Variants in POLR2F observed in about 807,000 individuals in gnomAD.
POLR2F encodes the protein DNA-directed RNA polymerases I, II, and III subunit RPABC2.
Under a neutral mutation model 22.7 loss-of-function variants are expected in POLR2F, and 12 were observed. That is an observed-to-expected ratio of 0.53 (90% CI 0.34 to 0.86). The LOEUF is 0.86. Among genes scored for constraint, POLR2F ranks in the 40% least tolerant of loss-of-function variants. The pLI, the probability that POLR2F is intolerant of heterozygous loss-of-function variation, is 0.02. For synonymous variants in POLR2F, 57 were observed against 66.0 expected (o/e 0.86, Z 0.66); for missense variants, 126 against 171.5 (o/e 0.73, Z 1.48).
chr22:38,020,479 A>G (rs1601911678), intron 1 of POLR2F, among the ~76,000 whole-genome samples: 1 of 137,744 alleles, frequency 7.3e-6, no homozygotes, highest in Non-Finnish European at 1.5e-5. Context: ...GCGTTTCACC[A>G]CATTGGCCAG....
chr22:37,956,809 T>C lies in POLR2F; in HGVS notation c.57T>C (p.Asp19=). ...ACGACTTTGATGATGTGGAGGAGGATGAAGGGCTAGATGACTTGGAGAATG... is the reference window on the plus strand; with the variant it reads ...ACGACTTTGATGATGTGGAGGAGGACGAAGGGCTAGATGACTTGGAGAATG... ...DGDDFDDVEE[D]EGLDDLENAE... is the part of the protein sequence containing the mutation. Residue 19 remains aspartate (D), a synonymous_variant, in exon 2 of 5, where the codon GAT becomes GAC. Transcript: ENST00000442738. The C allele has an allele frequency of 2.5e-6, 4 of 1,614,132 alleles. No individual in the cohort carries two copies. The highest frequency in any genetic ancestry group is 1.1e-5 in the South Asian group (1 of 91,092).
chr22:37,975,882 C>T (rs955388510), intron 4 of POLR2F, among the ~76,000 whole-genome samples: 1 of 152,040 alleles, frequency 6.6e-6, no homozygotes, highest in Non-Finnish European at 1.5e-5. Flanking sequence ...GCCATGCCAC[C>T]TCTGGATCTC....
In POLR2F at chr22:37,986,468, G is replaced by A; in HGVS notation, c.120+156G>A. ...CCCAGAGTTAGGAGGTGGAATGTGG[G>A]GTCCCACAGCTGCCCCCTCTCTAAC... On this transcript the variant is annotated intron_variant, in intron 1 of 2. Coordinates refer to the POLR2F transcript ENST00000333418. The surrounding 1 kb of genome is among the most constrained non-coding windows in gnomAD (Gnocchi z 4.7). The A allele has an allele frequency of 6.7e-7, 1 of 1,483,090 alleles. No homozygotes were observed. The highest frequency in any genetic ancestry group is 2.0e-4 in the Middle Eastern group (1 of 4,882). 91.9% of individuals were successfully genotyped at this position (1,483,090 alleles called of 1,614,324 possible). A position where few individuals can be genotyped will look rare whatever the true frequency, so the allele number is the denominator to read the frequency against.
intron 5 of POLR2F, among the ~76,000 whole-genome samples, chr22:38,039,385 C>G (rs1415935290): frequency 6.6e-6 from 1 of 152,204 alleles, no homozygotes; most frequent in Admixed American, 6.5e-5. Context: ...CACAGCCCTG[C>G]AAGGTGGGTG....
At chr22:38,032,015 T>G (rs1229654937) in intron 5 of POLR2F, 1 of 152,210 alleles carries the variant, frequency 6.6e-6, no homozygotes, top group Non-Finnish European at 1.5e-5. Flanking sequence ...ACTTTTTTTT[T>G]GAGACAGGGT....
downstream of POLR2F, among the ~76,000 whole-genome samples, chr22:37,970,162 C>CG (rs1406997007): frequency 1.3e-5 from 2 of 151,772 alleles, no homozygotes; most frequent in Admixed American, 6.6e-5. Context: ...GGTGTGGTGG[C>CG]GGGCGCCTGT....
In POLR2F at chr22:37,974,387, T is replaced by C. The variant is rs1321598457; in HGVS notation, c.293+7217T>C. Reference sequence around the variant, plus strand: ...TTTTTTTTGAGATGGAGTTTCGCTCTTGTTGCCCAGACTGGAGTGCAGTGG... The same window carrying C: ...TTTTTTTTGAGATGGAGTTTCGCTCCTGTTGCCCAGACTGGAGTGCAGTGG... On this transcript the variant is annotated intron_variant, in intron 4 of 4. Transcript: ENST00000405557. The surrounding 1 kb of genome is among the most constrained non-coding windows in gnomAD (Gnocchi z 5.4). Among the ~76,000 whole-genome samples, 4 of 150,656 alleles carry C rather than the reference T, an allele frequency of 2.7e-5. No homozygotes were observed. Among genetic ancestry groups the C allele is most frequent in the Non-Finnish European group, 4.4e-5 (3 of 67,816 alleles).
downstream of POLR2F, among the ~76,000 whole-genome samples, chr22:38,031,148 C>A (rs2085060829): frequency 6.6e-6 from 1 of 152,118 alleles, no homozygotes. This position sits in a 1 kb window ranked among gnomAD's most constrained non-coding sequence, Gnocchi z 4.1. Flanking sequence ...CTCCAGCACA[C>A]CTCTTCCAAG....
At chr22:38,007,900 C>T (rs1601904113) in intron 1 of POLR2F, among the ~76,000 whole-genome samples, 1 of 152,192 alleles carries the variant, frequency 6.6e-6, no homozygotes. Flanking sequence ...GCCCACTTGC[C>T]TTCAGAGCTC....
chr22:38,020,768 C>T (rs933604762), intron 1 of POLR2F, among the ~76,000 whole-genome samples: 4 of 151,910 alleles, frequency 2.6e-5, no homozygotes, highest in Admixed American at 6.6e-5. Context: ...ACAAAGAAGT[C>T]GGGTGGGATC....
chr22:38,019,142 G>A (rs1455087226), intron 1 of POLR2F, among the ~76,000 whole-genome samples: 1 of 152,100 alleles, frequency 6.6e-6, no homozygotes, highest in Admixed American at 6.5e-5. Context: ...GGGAAGGTGT[G>A]CATGTGTGTG....
chr22:38,040,139 G>T (rs2085156976), intron 5 of POLR2F, among the ~76,000 whole-genome samples: 1 of 151,856 alleles, frequency 6.6e-6, no homozygotes, highest in South Asian at 2.1e-4. Flanking sequence ...AGCTAATCAT[G>T]GTGGTGTATG....
At chr22:37,989,143 G>C (rs1386605373) in intron 1 of POLR2F, among the ~76,000 whole-genome samples, 1 of 152,164 alleles carries the variant, frequency 6.6e-6, no homozygotes, top group African/African-American at 2.4e-5. Flanking sequence ...AAGAAATCCT[G>C]CCACTAGTAC....
Position 37,979,201 on chromosome 22 carries a change from G to T in POLR2F, c.293+12031G>T, listed in dbSNP as rs556440794. On this transcript the variant is annotated intron_variant, in intron 4 of 4. Transcript: ENST00000405557. Reference sequence around the variant, plus strand: ...CAATCTCGGCTTCCTGAGTTCAAGCGATTCTCCTGCCTCAGCCTCCCGGGT... The same window carrying T: ...CAATCTCGGCTTCCTGAGTTCAAGCTATTCTCCTGCCTCAGCCTCCCGGGT... Among the ~76,000 whole-genome samples the T allele has an allele frequency of 4.6e-5, 7 of 152,194 alleles. No homozygotes were observed. In the South Asian group the frequency reaches 1.5e-3, roughly 32 times the overall value.
upstream of POLR2F, chr22:37,983,819 GC>G (rs1569171448): frequency 7.2e-7 from 1 of 1,395,374 alleles, no homozygotes. This position sits in a 1 kb window ranked among gnomAD's most constrained non-coding sequence, Gnocchi z 9.5. Flanking sequence ...CGCCTCGGCC[GC>G]CTCCCCCGGG....
At chr22:38,032,994 G>A (rs2085081021) in intron 5 of POLR2F, 1 of 166,114 alleles carries the variant, frequency 6.0e-6, no homozygotes, top group African/African-American at 2.5e-5. Context: ...CCCCCACATG[G>A]AGCATGACAT....
chr22:38,011,589 A>G (rs1057044320), intron 1 of POLR2F, among the ~76,000 whole-genome samples: 2 of 150,942 alleles, frequency 1.3e-5, no homozygotes, highest in African/African-American at 2.4e-5. Flanking sequence ...GTGTGGGTCT[A>G]TTCTTGGGCT....
chr22:37,971,074 T>C, downstream of POLR2F: 1 of 361,842 alleles, frequency 2.8e-6, no homozygotes, highest in South Asian at 2.1e-5. Context: ...CCCCTGGTCC[T>C]GACTAGGGGC....
At chr22:37,994,928 C>T (rs550219772) in intron 1 of POLR2F, among the ~76,000 whole-genome samples, 39 of 152,290 alleles carry the variant, frequency 2.6e-4, no homozygotes, top group Admixed American at 2.0e-3. Flanking sequence ...TATAGGTGTG[C>T]GCCACCTGCA....
Sources: gnomAD v4.1 joint callset for allele counts (sites outside exome capture counted in the v4.1 genomes callset) on GRCh38, gnomAD v4.1.1 for gene constraint, Gnocchi (gnomAD v3.1) non-coding constraint, MANE v1.5 for transcripts, NCBI Gene and HGNC (gene_info 2026-07-23, HGNC 2026-07-21) for gene names.